Variants in RXFP1 observed in about 807,000 individuals in gnomAD.
RXFP1 encodes relaxin receptor 1.
In RXFP1, 73 loss-of-function variants were observed where a neutral mutation model predicts 89.8. That is an observed-to-expected ratio of 0.81 (90% CI 0.67 to 0.99). The LOEUF (loss-of-function observed/expected upper bound fraction) is 0.99, where lower values mean the gene tolerates loss of function less well. Among genes scored for constraint, RXFP1 ranks in the 50% least tolerant of loss-of-function variants. RXFP1 has a pLI of 0.00. For missense variants in RXFP1, 793 were observed against 895.5 expected (o/e 0.89, Z 1.46); for synonymous variants, 277 against 305.5 (o/e 0.91, Z 0.97).
intron 1 of RXFP1, chr4:158,544,298 C>A (rs1747624928): frequency 1.0e-6 from 1 of 984,910 alleles, no homozygotes; most frequent in Non-Finnish European, 1.2e-6. Context: ...CTTGGAATGC[C>A]CTGAGCAACA....
At chr4:158,624,171 C>G (rs1316664754) in intron 9 of RXFP1, among the ~76,000 whole-genome samples, 6 of 152,048 alleles carry the variant, frequency 3.9e-5, no homozygotes, top group Non-Finnish European at 5.9e-5. Flanking sequence ...CTCAAGAAAA[C>G]AGATGGAGGG....
chr4:158,607,789 G>A (rs947883219), intron 5 of RXFP1, among the ~76,000 whole-genome samples, 183 bp from the exon 6 acceptor site: 15 of 151,918 alleles, frequency 9.9e-5, no homozygotes, highest in African/African-American at 2.2e-4. Context: ...ATGTTTAATC[G>A]TCATCAAATA....
chr4:158,527,520 G>T lies in RXFP1; in HGVS notation c.49+5495G>T, dbSNP rs1217890273. 2.9e-5 allele frequency among the ~76,000 whole-genome samples: 4 copies of T among 137,706 alleles called. No homozygotes were observed. In the Admixed American group the frequency reaches 3.2e-4, roughly 11 times the overall value. The allele number at this position is 137,706 out of a possible 152,430, so 90.3% of individuals were successfully genotyped here. ...ATCATGCCACTGCACTCCAGACTAG[G>T]TGACAAGAGTGAGACTCCATCTCCC... is the stretch of plus-strand genomic sequence containing the variant. On this transcript the variant is annotated intron_variant, in intron 1 of 17. Transcript: ENST00000307765.
intron 14 of RXFP1, among the ~76,000 whole-genome samples, chr4:158,643,017 G>A (rs955770498): frequency 2.0e-5 from 3 of 152,268 alleles, no homozygotes; most frequent in Admixed American, 6.5e-5. Flanking sequence ...TATAGCATGC[G>A]AAGAAGCTGG....
In RXFP1 at chr4:158,530,750, T is replaced by C. The variant is rs75101582; in HGVS notation, c.49+8725T>C. 8.3e-3 allele frequency among the ~76,000 whole-genome samples: 1,266 copies of C among 152,272 alleles called. 13 individuals are homozygous for C. Among genetic ancestry groups the C allele is most frequent in the African/African-American group, 0.028 (1,166 of 41,546 alleles). On this transcript the variant is annotated intron_variant, in intron 1 of 17. Coordinates refer to ENST00000307765, the MANE Select transcript of RXFP1 (RefSeq NM_021634.4). ...TTCTAATTGCAGTCGTTACCCCTGA[T>C]CCTGTGAACTTGCAGCACAACAGTT...
At chr4:158,568,536 T>G (rs1754316626) in intron 1 of RXFP1, among the ~76,000 whole-genome samples, 1 of 152,230 alleles carries the variant, frequency 6.6e-6, no homozygotes, top group Non-Finnish European at 1.5e-5. Context: ...AAAAAGTTAG[T>G]CTCAACACAG....
chr4:158,542,110 T>TATATATATATATATATATATATATATA (rs56793848), intron 1 of RXFP1, among the ~76,000 whole-genome samples: 1 of 13,702 alleles, frequency 7.3e-5, no homozygotes, highest in African/African-American at 1.6e-4. Flanking sequence ...TATATATATA[T>TATATATATATATATATATATATATATA]TTTTTTTTTA....
intron 3 of RXFP1, among the ~76,000 whole-genome samples, chr4:158,596,976 T>TA (rs563417950): frequency 1.3e-3 from 192 of 152,158 alleles, no homozygotes; most frequent in African/African-American, 4.2e-3. Flanking sequence ...AATGCTGTAT[T>TA]AAAAAAAAGT....
intron 9 of RXFP1, among the ~76,000 whole-genome samples, chr4:158,621,463 ATTTC>A: frequency 6.6e-6 from 1 of 152,354 alleles, no homozygotes; most frequent in Admixed American, 6.5e-5. Context: ...AAATTTTATC[ATTTC>A]TTAGTATCAT....
At chr4:158,606,798 C>A (rs150676539) in intron 5 of RXFP1, among the ~76,000 whole-genome samples, 240 of 151,330 alleles carry the variant, frequency 1.6e-3, no homozygotes, top group African/African-American at 5.6e-3. Flanking sequence ...GTTGCCCTGC[C>A]TGGCTGGTCT....
chr4:158,641,498 A>C (rs564742754), intron 14 of RXFP1, among the ~76,000 whole-genome samples: 19 of 152,172 alleles, frequency 1.2e-4, no homozygotes, highest in Non-Finnish European at 2.6e-4. Context: ...CTGTTGATAA[A>C]AGCAAAACTT....
rs1251677403 is a variant in RXFP1, at chr4:158,647,187, T to C, written c.1742T>C (p.Val581Ala). 1.9e-6 allele frequency: 3 copies of C among 1,563,610 alleles called. No individual in the cohort carries two copies. The highest frequency in any genetic ancestry group is 2.1e-5 in the Admixed American group (1 of 48,360). The change falls in exon 16 of 18, where the codon GTG becomes GCG. Residue 581 changes from valine (V) to alanine (A), a missense_variant. Physicochemically the swap from Val to Ala is moderately conservative, Grantham distance 64. Coordinates refer to ENST00000307765, the MANE Select transcript of RXFP1 (RefSeq NM_021634.4). ...TESIGAQIYS[V>A]AIFLGINLAA... is the part of the protein sequence containing the mutation. ...AGTATTGGAGCCCAGATTTATTCAGTGGCAATTTTTCTTGGTAAGAAACTA... is the reference window on the plus strand; with the variant it reads ...AGTATTGGAGCCCAGATTTATTCAGCGGCAATTTTTCTTGGTAAGAAACTA...
chr4:158,629,860 A>C (rs1401238488), intron 11 of RXFP1, among the ~76,000 whole-genome samples: 1 of 151,936 alleles, frequency 6.6e-6, no homozygotes, highest in East Asian at 1.9e-4. Flanking sequence ...CCTGGCCTTA[A>C]GCAATCCTCC....
At chr4:158,554,297 A>G (rs557158572) in intron 1 of RXFP1, among the ~76,000 whole-genome samples, 2 of 152,318 alleles carry the variant, frequency 1.3e-5, no homozygotes, top group East Asian at 3.9e-4. Flanking sequence ...TATTATTAAA[A>G]GAATACTCAC....
At chr4:158,550,666 A>G (rs903112445) in intron 1 of RXFP1, among the ~76,000 whole-genome samples, 3 of 152,212 alleles carry the variant, frequency 2.0e-5, no homozygotes, top group Admixed American at 2.0e-4. Flanking sequence ...CACTGCCATG[A>G]GTCCAAAAAA....
chr4:158,594,054 T>C (rs995716771), intron 3 of RXFP1, among the ~76,000 whole-genome samples: 1 of 152,236 alleles, frequency 6.6e-6, no homozygotes, highest in Non-Finnish European at 1.5e-5. Flanking sequence ...AAATAACTCC[T>C]CTTAAATAAA....
At chr4:158,561,496 T>C (rs1163640786) in intron 1 of RXFP1, among the ~76,000 whole-genome samples, 22 of 152,220 alleles carry the variant, frequency 1.4e-4, no homozygotes, top group Admixed American at 1.4e-3. Context: ...AGATTTGGAT[T>C]TCATTTTCCA....
Position 158,651,941 on chromosome 4 carries a change from G to A in RXFP1, c.2160G>A (p.Val720=). ...QKTYAPSFIW[V]EMWPLQEMPP... ...CATATGCTCCATCATTCATCTGGGT[G>A]GAAATGTGGCCACTGCAGGAGATGC... Residue 720 remains valine, a synonymous_variant, in exon 18 of 18, where the codon GTG becomes GTA. Transcript: ENST00000307765. 6.2e-7 allele frequency: 1 copy of A among 1,614,154 alleles called. No individual in the cohort carries two copies. Among genetic ancestry groups the A allele is most frequent in the Non-Finnish European group, 8.5e-7 (1 of 1,180,020 alleles).
chr4:158,570,355 G>GA (rs1754774621), intron 1 of RXFP1, among the ~76,000 whole-genome samples: 1 of 152,172 alleles, frequency 6.6e-6, no homozygotes, highest in Non-Finnish European at 1.5e-5. Context: ...AAGTGAGTGA[G>GA]AAAGTATTGA....
Sources: allele counts gnomAD v4.1 joint callset (sites outside exome capture counted in the v4.1 genomes callset), GRCh38; gene constraint gnomAD v4.1.1; transcripts MANE v1.5; gene names NCBI Gene and HGNC (gene_info 2026-07-23, HGNC 2026-07-21).